Variants in EMILIN2 observed in about 807,000 individuals in gnomAD.
The protein encoded by EMILIN2 is EMILIN-2.
EMILIN2 carries 71 observed loss-of-function variants against 87.1 expected under a neutral mutation model. That is an observed-to-expected ratio of 0.82 (90% CI 0.67 to 0.99). The LOEUF is 0.99. Ranked by LOEUF, EMILIN2 falls within the 50% of genes least tolerant of loss-of-function variation. The pLI is 0.00. For synonymous variants in EMILIN2, 581 were observed against 563.4 expected (o/e 1.03, Z -0.44); for missense variants, 1,407 against 1,371.8 (o/e 1.03, Z -0.40).
At chr18:2,875,591 A>G (rs1428070162) in intron 2 of EMILIN2, among the ~76,000 whole-genome samples, 1 of 152,078 alleles carries the variant, frequency 6.6e-6, no homozygotes, top group African/African-American at 2.4e-5. Flanking sequence ...GATGCCCCAC[A>G]CTCACTCCCC....
chr18:2,885,203 A>G, intron 3 of EMILIN2, 64 bp downstream of exon 3: 1 of 1,491,114 alleles, frequency 6.7e-7, no homozygotes, highest in Non-Finnish European at 9.0e-7. Context: ...CCTTCAAACA[A>G]CAGGATTTGT....
At chr18:2,907,789 T>G (rs1277887254) in intron 5 of EMILIN2, among the ~76,000 whole-genome samples, 1 of 152,226 alleles carries the variant, frequency 6.6e-6, no homozygotes, top group African/African-American at 2.4e-5. Flanking sequence ...GTTTTACAGA[T>G]GAGGAAACTG....
rs573833816 is a variant in EMILIN2, at chr18:2,896,811, A to AT, written c.2359+4335dup. On this transcript the variant is annotated intron_variant, in intron 4 of 7. Transcript: ENST00000254528. ...GGGCATGAGCCAGTGCACCTGGACA[A>AT]TTTTTTTTTTGGAGATGGGGGTCGG... Among the ~76,000 whole-genome samples the AT allele has an allele frequency of 2.5e-3, 369 of 149,530 alleles. 2 individuals carry two copies. The highest frequency in any genetic ancestry group is 5.2e-3 in the African/African-American group (212 of 40,894).
In EMILIN2 at chr18:2,894,476, T is replaced by C; in HGVS notation, c.2359+1990T>C. Among the ~76,000 whole-genome samples the C allele has an allele frequency of 6.6e-6, 1 of 152,206 alleles. No individual in the cohort carries two copies. On this transcript the variant is annotated intron_variant, in intron 4 of 7. Coordinates refer to ENST00000254528, the MANE Select transcript of EMILIN2 (RefSeq NM_032048.3). This position sits in a 1 kb window ranked among gnomAD's most constrained non-coding sequence, Gnocchi z 5.0. ...AGAGGTCACAAGACCATGTATGTGT[T>C]CATAGAATGATTGTCCCTTGTGGTG... is the stretch of plus-strand genomic sequence containing the variant.
At chr18:2,879,216 G>A (rs915346867) in intron 2 of EMILIN2, among the ~76,000 whole-genome samples, 7 of 152,174 alleles carry the variant, frequency 4.6e-5, no homozygotes, top group Non-Finnish European at 1.0e-4. Flanking sequence ...AATCCCCAGC[G>A]CAGCCCTGTC....
chr18:2,896,860 G>T (rs2076866314), intron 4 of EMILIN2, among the ~76,000 whole-genome samples: 1 of 152,084 alleles, frequency 6.6e-6, no homozygotes, highest in Non-Finnish European at 1.5e-5. Flanking sequence ...CACAAGTCTG[G>T]GCACAGTGGC....
At chr18:2,898,887 A>G (rs893214411) in intron 4 of EMILIN2, among the ~76,000 whole-genome samples, 4 of 152,144 alleles carry the variant, frequency 2.6e-5, no homozygotes, top group African/African-American at 9.7e-5. Context: ...GGCTCAATAA[A>G]TTGCTTATAT....
At chr18:2,846,991 G>T, upstream of EMILIN2, 2 of 1,017,644 alleles carry the variant, frequency 2.0e-6, no homozygotes, top group South Asian at 6.9e-5. This position sits in a 1 kb window ranked among gnomAD's most constrained non-coding sequence, Gnocchi z 5.3. Flanking sequence ...AGAAGCGCAG[G>T]GCGCACGGGG....
At chr18:2,888,607 C>T (rs370991785) in intron 3 of EMILIN2, among the ~76,000 whole-genome samples, 24 of 150,574 alleles carry the variant, frequency 1.6e-4, no homozygotes, top group Middle Eastern at 3.4e-3. Flanking sequence ...CCCAGCTACT[C>T]GGGAGGCTGA....
chr18:2,897,924 G>A (rs764167873), intron 4 of EMILIN2, among the ~76,000 whole-genome samples: 18 of 151,146 alleles, frequency 1.2e-4, no homozygotes, highest in Middle Eastern at 3.5e-3. Flanking sequence ...CATGTATCTC[G>A]TGTATCGATA....
chr18:2,873,953 C>T (rs766283487), intron 2 of EMILIN2, among the ~76,000 whole-genome samples: 2 of 152,058 alleles, frequency 1.3e-5, no homozygotes, highest in Non-Finnish European at 2.9e-5. Context: ...AACCTTATAC[C>T]CTCAAGTTCT....
intron 4 of EMILIN2, among the ~76,000 whole-genome samples, chr18:2,897,458 G>A (rs2076868582): frequency 6.6e-6 from 1 of 152,204 alleles, no homozygotes; most frequent in South Asian, 2.1e-4. Flanking sequence ...GCAGACACAG[G>A]GTGAAGGGCC....
chr18:2,874,006 A>G (rs2076735425), intron 2 of EMILIN2, among the ~76,000 whole-genome samples: 1 of 152,012 alleles, frequency 6.6e-6, no homozygotes, highest in Admixed American at 6.6e-5. Context: ...AGCTGTGAGG[A>G]CTTTACTGAT....
chr18:2,875,386 G>C (rs1296083501), intron 2 of EMILIN2, among the ~76,000 whole-genome samples: 1 of 152,228 alleles, frequency 6.6e-6, no homozygotes, highest in Non-Finnish European at 1.5e-5. Context: ...GGGATCGTGA[G>C]ACCAGTGTTC....
chr18:2,906,873 CAGAG>C lies in EMILIN2; in HGVS notation c.2451_2454del (p.Glu818ThrfsTer77). 1 of 1,385,732 alleles carries C rather than the reference CAGAG, an allele frequency of 7.2e-7. No individual in the cohort carries two copies. Among genetic ancestry groups the C allele is most frequent in the Non-Finnish European group, 9.4e-7 (1 of 1,068,542 alleles). 85.8% of individuals were successfully genotyped at this position (1,385,732 alleles called of 1,614,324 possible). On this transcript the variant is annotated frameshift_variant, in exon 5 of 8. Transcript: ENST00000254528. LOFTEE classifies it high-confidence loss of function. ...CCGAGGCCCAGCGGCCCCGCAACCG[CAGAG>C]GACCCTGGGCGACGGCCCGTCCTGC...
At chr18:2,852,555 A>G (rs777291000) in intron 2 of EMILIN2, among the ~76,000 whole-genome samples, 3 of 152,116 alleles carry the variant, frequency 2.0e-5, no homozygotes, top group East Asian at 1.9e-4. Flanking sequence ...GTCTCGCTCT[A>G]TTGCCCAGGC....
chr18:2,861,077 G>T (rs1276321232), intron 2 of EMILIN2, among the ~76,000 whole-genome samples: 1 of 151,696 alleles, frequency 6.6e-6, no homozygotes, highest in African/African-American at 2.4e-5. Context: ...ACTTTTTGAT[G>T]GGGTTTTTTG....
At chr18:2,912,873 A>G (rs915022303) in intron 7 of EMILIN2, among the ~76,000 whole-genome samples, 194 bp from the exon 8 acceptor site, 3 of 152,158 alleles carry the variant, frequency 2.0e-5, no homozygotes, top group Non-Finnish European at 2.9e-5. Context: ...GGTATGGGCT[A>G]AGGTGGCCTC....
At chr18:2,860,788 T>C (rs564682549) in intron 2 of EMILIN2, among the ~76,000 whole-genome samples, 1 of 152,332 alleles carries the variant, frequency 6.6e-6, no homozygotes, top group South Asian at 2.1e-4. Context: ...GTATTTCTAG[T>C]TCTAGATCCC....
Sources: gnomAD v4.1 joint callset for allele counts (sites outside exome capture counted in the v4.1 genomes callset) on GRCh38, gnomAD v4.1.1 for gene constraint, Gnocchi (gnomAD v3.1) non-coding constraint, MANE v1.5 for transcripts, NCBI Gene and HGNC (gene_info 2026-07-23, HGNC 2026-07-21) for gene names.